ARSG: variants seen among roughly 807,000 people sequenced by gnomAD.
The protein encoded by ARSG is ASG.
Under a neutral mutation model 50.5 loss-of-function variants are expected in ARSG, and 37 were observed. That is an observed-to-expected ratio of 0.73 (90% confidence interval 0.56 to 0.96). ARSG has a LOEUF of 0.96. ARSG is among the 50% of genes least tolerant of loss of function. The pLI is 0.00. For synonymous variants in ARSG, 225 were observed against 254.6 expected, an observed-to-expected ratio of 0.88 and a Z score of 1.11; for missense variants, 629 against 675.3, an observed-to-expected ratio of 0.93 and a Z score of 0.76.
intron 11 of ARSG, 133 bp downstream of exon 11, chr17:68,401,583 C>T (rs1022975108): frequency 1.9e-5 from 14 of 730,996 alleles, no homozygotes; most frequent in African/African-American, 7.1e-5. Flanking sequence ...TCTTGACAAG[C>T]GTCTCCTCCA....
chr17:68,318,224 T>C (rs1342483401), intron 2 of ARSG, among the ~76,000 whole-genome samples: 2 of 152,236 alleles, frequency 1.3e-5, no homozygotes, highest in African/African-American at 4.8e-5. Flanking sequence ...GTTGGCATCA[T>C]TTCCAGCTCT....
At chr17:68,280,625 C>A (rs781806586) in intron 1 of ARSG, among the ~76,000 whole-genome samples, 1 of 152,174 alleles carries the variant, frequency 6.6e-6, no homozygotes, top group African/African-American at 2.4e-5. Flanking sequence ...TCACCCTATA[C>A]AACAATCAAC....
intron 2 of ARSG, among the ~76,000 whole-genome samples, chr17:68,336,428 T>A (rs1322910366): frequency 6.6e-6 from 1 of 152,054 alleles, no homozygotes; most frequent in Non-Finnish European, 1.5e-5. Flanking sequence ...CAGGCTGGTC[T>A]TGAACTCCTG....
Position 68,355,388 on chromosome 17 carries a change from T to A in ARSG, c.567-1279T>A, listed in dbSNP as rs142477858. On this transcript the variant is annotated intron_variant, in intron 5 of 11. Transcript: ENST00000621439. ...GTTGTTTTGTTTTGAGATGGAGTTT[T>A]GCTCTTGTCGCCCAGGCTGTAGTAC... Among the ~76,000 whole-genome samples, 820 of 152,366 alleles carry A rather than the reference T, an allele frequency of 5.4e-3. 8 individuals carry two copies. The highest frequency in any genetic ancestry group is 0.019 in the African/African-American group (777 of 41,594).
At chr17:68,328,635 A>G (rs1250459861) in intron 2 of ARSG, among the ~76,000 whole-genome samples, 2 of 152,208 alleles carry the variant, frequency 1.3e-5, no homozygotes, top group African/African-American at 2.4e-5. Context: ...GGTTGGTTGA[A>G]CTAGACCAGG....
intron 2 of ARSG, among the ~76,000 whole-genome samples, chr17:68,308,540 T>C (rs7216581): frequency 0.63 from 96,121 of 152,020 alleles, 32,560 homozygotes; most frequent in African/African-American, 0.89. Flanking sequence ...ATAAAAGCAG[T>C]GTGGACCCAA....
At chr17:68,347,273 C>T (rs1036686941) in intron 4 of ARSG, 101 bp downstream of exon 4, 6 of 1,362,644 alleles carry the variant, frequency 4.4e-6, no homozygotes, top group South Asian at 3.5e-5. Flanking sequence ...TGGGGGCAAC[C>T]CTAAGTTAGG....
chr17:68,357,604 T>A (rs2079090724), intron 6 of ARSG, among the ~76,000 whole-genome samples: 1 of 152,234 alleles, frequency 6.6e-6, no homozygotes, highest in African/African-American at 2.4e-5. Context: ...TAGACCCTGC[T>A]TATCTTTGGG....
rs78359780 is a variant in ARSG at position 68,273,878 on chromosome 17, C to T, written c.-552+14452C>T. The stretch of plus-strand genomic sequence containing the variant: ...AATTTCCTCCTTCCCCTTCCTTGTT[C>T]TTCAAACTAAGTGTCTAGACAACTT... On this transcript the variant is annotated intron_variant, in intron 1 of 11. Transcript: ENST00000448504. 4,639 of 1,587,442 alleles carry T rather than the reference C, an allele frequency of 2.9e-3. 103 individuals carry two copies. In the African/African-American group the frequency reaches 0.054, roughly 18 times the overall value.
At chr17:68,272,018 G>T (rs1220311440) in intron 1 of ARSG, among the ~76,000 whole-genome samples, 2 of 152,096 alleles carry the variant, frequency 1.3e-5, no homozygotes, top group African/African-American at 2.4e-5. Context: ...GGCCAGGATG[G>T]TCTCGATCTC....
downstream of ARSG, chr17:68,427,100 G>T: frequency 6.4e-7 from 1 of 1,552,324 alleles, no homozygotes; most frequent in Non-Finnish European, 8.9e-7. Context: ...GGTCACTGTT[G>T]GAGATGCTCC....
intron 1 of ARSG, among the ~76,000 whole-genome samples, chr17:68,283,687 T>C (rs2075770950): frequency 6.7e-6 from 1 of 149,252 alleles, no homozygotes; most frequent in Admixed American, 6.7e-5. Context: ...TCCCTGAAAG[T>C]ATAGTCTTGA....
At chr17:68,412,739 C>A (rs909998834) in intron 11 of ARSG, among the ~76,000 whole-genome samples, 3 of 152,124 alleles carry the variant, frequency 2.0e-5, no homozygotes, top group Admixed American at 1.3e-4. Flanking sequence ...TCCATTCTCC[C>A]CGTCACTTTC....
chr17:68,351,671 G>A lies in ARSG; in HGVS notation c.551G>A (p.Gly184Asp). Reference protein sequence around the residue: ...NHPPCPACPQGDGPSRNLQRD... With the variant: ...NHPPCPACPQDDGPSRNLQRD... ...CCTCCTTGTCCAGCGTGTCCACAGG[G>A]TGATGGACCATCAAGGTAATGCTGT... The change falls in exon 5 of 12, where the codon GGT (glycine) becomes GAT (aspartate). Residue 184 changes from glycine to aspartate, a missense_variant. Coordinates refer to ENST00000621439, the MANE Select transcript of ARSG (RefSeq NM_001267727.2). 6.2e-7 allele frequency: 1 copy of A among 1,610,738 alleles called. No individual in the cohort carries two copies. The highest frequency in any genetic ancestry group is 1.3e-5 in the African/African-American group (1 of 74,910).
At chr17:68,279,542 G>A (rs2075627536) in intron 1 of ARSG, among the ~76,000 whole-genome samples, 1 of 152,104 alleles carries the variant, frequency 6.6e-6, no homozygotes, top group African/African-American at 2.4e-5. Context: ...AGAATATGGT[G>A]TCTAAATAAG....
intron 1 of ARSG, chr17:68,278,074 G>A (rs782735066): frequency 2.7e-5 from 43 of 1,584,594 alleles, no homozygotes; most frequent in Middle Eastern, 1.7e-4. Context: ...TGGTTAGGCC[G>A]AAAGATGTAC....
intron 1 of ARSG, among the ~76,000 whole-genome samples, chr17:68,278,923 T>C (rs984806532): frequency 6.6e-6 from 1 of 152,034 alleles, no homozygotes; most frequent in Non-Finnish European, 1.5e-5. Flanking sequence ...CCCAGCTGAT[T>C]GTTGAATATT....
At chr17:68,293,174 T>G (rs563395824) in intron 1 of ARSG, among the ~76,000 whole-genome samples, 1 of 152,360 alleles carries the variant, frequency 6.6e-6, no homozygotes, top group East Asian at 1.9e-4. Context: ...CACTTCATGC[T>G]AATGCAGGGC....
chr17:68,346,119 G>A (rs1057090248), intron 3 of ARSG, among the ~76,000 whole-genome samples: 15 of 151,998 alleles, frequency 9.9e-5, no homozygotes, highest in African/African-American at 3.6e-4. Flanking sequence ...CATGTGATCC[G>A]CCTGCCTCGG....
Sources: gnomAD v4.1 joint callset for allele counts (sites outside exome capture counted in the v4.1 genomes callset) on GRCh38, gnomAD v4.1.1 for gene constraint, MANE v1.5 for transcripts, NCBI Gene and HGNC (gene_info 2026-07-23, HGNC 2026-07-21) for gene names.